Variants in FLT4 observed in about 807,000 individuals in gnomAD.
The protein encoded by FLT4 is vascular endothelial growth factor receptor 3.
FLT4 carries 30 observed loss-of-function variants against 163.2 expected under a neutral mutation model. The ratio of observed to expected loss-of-function variants is 0.18; its 90% CI spans 0.14 to 0.25. The LOEUF is 0.25. FLT4 is among the 10% of genes least tolerant of loss of function. FLT4 has a pLI of 1.00. For synonymous variants in FLT4, 884 were observed against 789.5 expected (o/e 1.12, Z -2.01); for missense variants, 1,510 against 1,863.8 (o/e 0.81, Z 3.50).
Position 180,618,853 on chromosome 5 carries a change from C to T in FLT4, c.2918G>A (p.Arg973Gln), listed in dbSNP as rs768369889. The T allele has an allele frequency of 4.5e-5, 71 of 1,580,608 alleles. No individual in the cohort carries two copies. The highest frequency in any genetic ancestry group is 5.9e-5 in the Non-Finnish European group (69 of 1,164,056). The change falls in exon 21 of 30, where the codon CGG (arginine) becomes CAG (glutamine). Residue 973 changes from arginine (R) to glutamine (Q), a missense_variant. Transcript: ENST00000261937. Reference sequence around the variant, plus strand: ...GAGGACCCTGTCGCTGCTCCCCGGCCGCCTCCGATCCAGCCTGGCGAGCTC... The same window carrying T: ...GAGGACCCTGTCGCTGCTCCCCGGCTGCCTCCGATCCAGCCTGGCGAGCTC... ...MVELARLDRR[R>Q]PGSSDRVLFA...
chr5:180,603,901 C>CT (rs1379708412), intron 29 of FLT4, among the ~76,000 whole-genome samples: 28 of 116,172 alleles, frequency 2.4e-4, no homozygotes, highest in African/African-American at 1.2e-3. Context: ...GAGACTCCAT[C>CT]TTAAAAAAAA....
Position 180,618,819 on chromosome 5 carries a change from C to A in FLT4, c.2952G>T (p.Arg984=). Reference sequence around the variant, plus strand: ...TCGCTCCGCCCTCGGTCTTCGAGAACCGCGCGAAGAGGACCCTGTCGCTGC... The same window carrying A: ...TCGCTCCGCCCTCGGTCTTCGAGAAACGCGCGAAGAGGACCCTGTCGCTGC... ...PGSSDRVLFA[R]FSKTEGGARR... Residue 984 remains arginine, a synonymous_variant, in exon 21 of 30, where the codon CGG becomes CGT. Coordinates refer to ENST00000261937, the MANE Select transcript of FLT4 (RefSeq NM_182925.5). 1 of 1,586,208 alleles carries A rather than the reference C, an allele frequency of 6.3e-7. No homozygotes were observed.
At position 180,636,835 on chromosome 5, in the gene FLT4, G is replaced by A. The variant is rs1035601939; in HGVS notation, c.59-5057C>T. 1.9e-4 allele frequency among the ~76,000 whole-genome samples: 28 copies of A among 150,814 alleles called. No homozygotes were observed. The highest frequency in any genetic ancestry group is 1.1e-3 in the Admixed American group (17 of 15,162). On this transcript the variant is annotated intron_variant, in intron 1 of 29. Coordinates refer to ENST00000261937, the MANE Select transcript of FLT4 (RefSeq NM_182925.5). This position sits in a 1 kb window ranked among gnomAD's most constrained non-coding sequence, Gnocchi z 4.3. The stretch of plus-strand genomic sequence containing the variant: ...CCTCCCCACCCCTTGGTGCCCTCCC[G>A]GTGCTGCCCCGTCCTGGTGCGTGGG...
intron 28 of FLT4, 46 bp downstream of exon 28, chr5:180,609,859 C>G (rs1234188670): frequency 6.2e-7 from 1 of 1,612,482 alleles, no homozygotes; most frequent in African/African-American, 1.3e-5. Context: ...TGAGGCGGCC[C>G]CAGCCCTGAG....
chr5:180,612,690 C>A, intron 25 of FLT4, 79 bp from the exon 26 acceptor site: 1 of 1,011,088 alleles, frequency 9.9e-7, no homozygotes, highest in Non-Finnish European at 1.6e-6. Flanking sequence ...CCTTCCTGGG[C>A]CCTCTCACCC....
chr5:180,606,010 A>C (rs6879440), intron 29 of FLT4, among the ~76,000 whole-genome samples: 59,316 of 151,902 alleles, frequency 0.39, 12,385 homozygotes, highest in East Asian at 0.58. Flanking sequence ...CCCACACCCC[A>C]CCAAGGCACA....
At chr5:180,650,112 C>T (rs186819689), upstream of FLT4, among the ~76,000 whole-genome samples, 2 of 135,956 alleles carry the variant, frequency 1.5e-5, no homozygotes, top group South Asian at 2.5e-4. Flanking sequence ...CGCTTGAACC[C>T]GGGAGAAGGA....
intron 27 of FLT4, 54 bp downstream of exon 27, chr5:180,611,277 C>A (rs1762168858): frequency 1.2e-6 from 2 of 1,603,812 alleles, no homozygotes; most frequent in South Asian, 1.1e-5. Context: ...ATAAAATGCA[C>A]CTTGTCCACA....
Position 180,620,269 on chromosome 5 carries a change from T to C in FLT4, c.2446A>G (p.Ile816Val), listed in dbSNP as rs1561715255. 1.9e-6 allele frequency: 3 copies of C among 1,612,038 alleles called. No individual in the cohort carries two copies. The highest frequency in any genetic ancestry group is 2.5e-6 in the Non-Finnish European group (3 of 1,179,922). ...ADIKTGYLSI[I>V]MDPGEVPLEE... ...AGAGGCACCTCCCCGGGGTCCATGA[T>C]GATGGACAGGTAGCCCGTCTTGATG... is the stretch of plus-strand genomic sequence containing the variant. The change falls in exon 17 of 30, where the codon ATC becomes GTC. Residue 816 changes from isoleucine (I) to valine (V), a missense_variant. Coordinates refer to ENST00000261937, the MANE Select transcript of FLT4 (RefSeq NM_182925.5). The surrounding 1 kb of genome is among the most constrained non-coding windows in gnomAD (Gnocchi z 4.4).
intron 29 of FLT4, among the ~76,000 whole-genome samples, chr5:180,606,917 AAACAAAC>A: frequency 6.7e-5 from 5 of 74,408 alleles, no homozygotes; most frequent in African/African-American, 2.3e-4. Context: ...AAAAAAAAAC[AAACAAAC>A]AAACTTAGCT....
rs766042212 is a variant in FLT4, at chr5:180,626,050, C to T, written c.1259-19G>A. Reference sequence around the variant, plus strand: ...GGGGGCACTGTGGGCACACAGATGGCCGGTCAGCTGGCCTCCAATGCCAGG... The same window carrying T: ...GGGGGCACTGTGGGCACACAGATGGTCGGTCAGCTGGCCTCCAATGCCAGG... On this transcript the variant is annotated intron_variant, in intron 9 of 29. Coordinates refer to ENST00000261937, the MANE Select transcript of FLT4 (RefSeq NM_182925.5). 6 of 1,612,598 alleles carry T rather than the reference C, an allele frequency of 3.7e-6. No homozygotes were observed. In the Admixed American group the frequency reaches 5.0e-5, roughly 13 times the overall value.
Position 180,629,126 on chromosome 5 carries a change from G to A in FLT4, c.986-127C>T, listed in dbSNP as rs1179380997. 9.7e-6 allele frequency: 14 copies of A among 1,442,338 alleles called. No individual in the cohort carries two copies. In the Admixed American group the frequency reaches 1.2e-4, roughly 12 times the overall value. 89.3% of individuals were successfully genotyped at this position (1,442,338 alleles called of 1,614,324 possible). On this transcript the variant is annotated intron_variant, in intron 7 of 29. Coordinates refer to ENST00000261937, the MANE Select transcript of FLT4 (RefSeq NM_182925.5). ...CAGACTGGGGCTGGCCATGCCGCCC[G>A]GTGCAGGAGCTGGGCAGCTCCTCTG...
intron 1 of FLT4, among the ~76,000 whole-genome samples, chr5:180,638,071 C>T (rs1764818746): frequency 6.6e-6 from 1 of 152,176 alleles, no homozygotes; most frequent in Non-Finnish European, 1.5e-5. Context: ...ATGCTCTCCC[C>T]TGGGCAGCAT....
rs1761574810 is a variant in FLT4 at position 180,602,658 on chromosome 5, CTTT to C, written c.*531_*533del. On this transcript the variant is annotated 3_prime_UTR_variant, in exon 30 of 30. Transcript: ENST00000261937. The stretch of plus-strand genomic sequence containing the variant: ...CAGAAGAGGACCCTGCAAATGCCTT[CTTT>C]GAGATGGAAACACAGCCCCTCCCTT... 4 of 408,776 alleles carry C rather than the reference CTTT, an allele frequency of 9.8e-6. No individual in the cohort carries two copies. The East Asian group carries it at 1.4e-4, about 14-fold the overall frequency. 25.3% of individuals were successfully genotyped at this position (408,776 alleles called of 1,614,324 possible).
rs1341435183 is a variant in FLT4 at position 180,619,072 on chromosome 5, G to A, written c.2799C>T (p.Gly933=). 1.3e-6 allele frequency: 2 copies of A among 1,560,904 alleles called. No homozygotes were observed. Among genetic ancestry groups the A allele is most frequent in the South Asian group, 1.2e-5 (1 of 84,932 alleles). ...TGGCGCGCAGGAAGTTGGAGAGGTT[G>A]CCGTACTTGCAGAACTCCACGATCA... ...LMVIVEFCKY[G]NLSNFLRAKR... is the part of the protein sequence containing the mutation. Residue 933 remains glycine (G), a synonymous_variant, in exon 20 of 30, where the codon GGC becomes GGT. Transcript: ENST00000261937.
rs755894535 is a variant in FLT4 at position 180,620,346 on chromosome 5, T to G, written c.2407-38A>C. The G allele has an allele frequency of 4.4e-6, 7 of 1,606,980 alleles. No homozygotes were observed. Among genetic ancestry groups the G allele is most frequent in the Non-Finnish European group, 5.9e-6 (7 of 1,179,628 alleles). ...GACAGGGAGGAGTGGGGCAGCTCACTGATTTGGCCATACCACTGTGGCTTG... is the reference window on the plus strand; with the variant it reads ...GACAGGGAGGAGTGGGGCAGCTCACGGATTTGGCCATACCACTGTGGCTTG... On this transcript the variant is annotated intron_variant, in intron 16 of 29. Transcript: ENST00000261937. The surrounding 1 kb of genome is among the most constrained non-coding windows in gnomAD (Gnocchi z 4.4).
In FLT4 at chr5:180,620,477, A is replaced by C; in HGVS notation, c.2406+132T>G. On this transcript the variant is annotated intron_variant, in intron 16 of 29. Coordinates refer to ENST00000261937, the MANE Select transcript of FLT4 (RefSeq NM_182925.5). The surrounding 1 kb of genome is among the most constrained non-coding windows in gnomAD (Gnocchi z 4.4). The stretch of plus-strand genomic sequence containing the variant: ...TCTGCGGGGTTGGAGCCCAGCGTGA[A>C]GGGCAGGGAGGCTTCCCAGGAAACA... The C allele has an allele frequency of 8.5e-7, 1 of 1,179,796 alleles. No individual in the cohort carries two copies. Among genetic ancestry groups the C allele is most frequent in the Non-Finnish European group, 1.3e-6 (1 of 799,662 alleles). The allele number at this position is 1,179,796 out of a possible 1,614,324, so 73.1% of individuals were successfully genotyped here. A position where few individuals can be genotyped will look rare whatever the true frequency, so the allele number is the denominator to read the frequency against.
At position 180,601,754 on chromosome 5, in the gene FLT4, A is replaced by C. The variant is rs1339085011; in HGVS notation, c.*1438T>G. On this transcript the variant is annotated 3_prime_UTR_variant, in exon 30 of 30. Transcript: ENST00000261937. ...CCCACGTTGGACGACGTGCAGAGGA[A>C]GGGGGAGGTCCACGGGGACGACGAA... 1 of 225,308 alleles carries C rather than the reference A, an allele frequency of 4.4e-6. No individual in the cohort carries two copies. Among genetic ancestry groups the C allele is most frequent in the Non-Finnish European group, 8.8e-6 (1 of 113,442 alleles). 14.0% of individuals were successfully genotyped at this position (225,308 alleles called of 1,614,324 possible). A position where few individuals can be genotyped will look rare whatever the true frequency, so the allele number is the denominator to read the frequency against.
chr5:180,613,290 G>C, intron 24 of FLT4, 180 bp from the exon 25 acceptor site: 1 of 550,222 alleles, frequency 1.8e-6, no homozygotes, highest in South Asian at 2.6e-5. Flanking sequence ...TGGGCAAGTC[G>C]CTGCCCTCCC....
Sources: allele counts gnomAD v4.1 joint callset (sites outside exome capture counted in the v4.1 genomes callset), GRCh38; gene constraint gnomAD v4.1.1; non-coding constraint Gnocchi (gnomAD v3.1); transcripts MANE v1.5; gene names NCBI Gene and HGNC (gene_info 2026-07-23, HGNC 2026-07-21).